Variants in PLXDC2 observed in about 807,000 individuals in gnomAD.
PLXDC2 encodes the protein plexin domain containing 2.
PLXDC2 carries 40 observed loss-of-function variants against 68.9 expected under a neutral mutation model. The ratio of observed to expected loss-of-function variants is 0.58; its 90% CI spans 0.45 to 0.76. The LOEUF (loss-of-function observed/expected upper bound fraction) is 0.76, where lower values mean the gene tolerates loss of function less well. Ranked by LOEUF, PLXDC2 falls within the 30% of genes least tolerant of loss-of-function variation. The pLI is 0.00. For synonymous variants in PLXDC2, 243 were observed against 234.2 expected (o/e 1.04, Z -0.34); for missense variants, 644 against 661.9 (o/e 0.97, Z 0.30).
At chr10:19,897,601 T>G (rs1475256203) in intron 1 of PLXDC2, among the ~76,000 whole-genome samples, 4 of 152,180 alleles carry the variant, frequency 2.6e-5, no homozygotes, top group African/African-American at 4.8e-5. Flanking sequence ...ACAGAAAACA[T>G]AAGTACATGC....
intron 1 of PLXDC2, among the ~76,000 whole-genome samples, chr10:19,830,778 A>G (rs980093741): frequency 6.6e-6 from 1 of 152,032 alleles, no homozygotes; most frequent in Admixed American, 6.6e-5. Flanking sequence ...TTGGGAAGAT[A>G]AAAGTCTAGA....
intron 6 of PLXDC2, among the ~76,000 whole-genome samples, chr10:20,162,909 CAAAA>C (rs71390763): frequency 3.1e-4 from 30 of 98,038 alleles, no homozygotes; most frequent in African/African-American, 1.2e-3. Context: ...ACTAAAAATA[CAAAA>C]AAAAAAAAAA....
chr10:20,056,792 A>G (rs1836007036), intron 3 of PLXDC2, among the ~76,000 whole-genome samples: 1 of 152,154 alleles, frequency 6.6e-6, no homozygotes, highest in African/African-American at 2.4e-5. Flanking sequence ...TCTTTTACAT[A>G]AAATTAGCCA....
intron 1 of PLXDC2, among the ~76,000 whole-genome samples, chr10:19,885,103 GTGA>G (rs1247627102): frequency 4.6e-5 from 7 of 152,170 alleles, no homozygotes; most frequent in Admixed American, 1.3e-4. Context: ...CTGATGGCCA[GTGA>G]TGATGAGCAT....
chr10:20,269,895 G>A (rs1835913964), intron 13 of PLXDC2, among the ~76,000 whole-genome samples: 1 of 152,080 alleles, frequency 6.6e-6, no homozygotes, highest in South Asian at 2.1e-4. Context: ...GTGCGTGCTT[G>A]TAGTCCCAGC....
chr10:20,126,856 G>A (rs1833798754), intron 4 of PLXDC2, among the ~76,000 whole-genome samples: 1 of 144,624 alleles, frequency 6.9e-6, no homozygotes, highest in Non-Finnish European at 1.5e-5. Context: ...ATACATATAT[G>A]TTATGTATGT....
At chr10:20,272,298 C>T (rs1304172707) in intron 13 of PLXDC2, among the ~76,000 whole-genome samples, 2 of 152,116 alleles carry the variant, frequency 1.3e-5, no homozygotes, top group African/African-American at 4.8e-5. Flanking sequence ...TGATAATCAA[C>T]AAATATTTCC....
chr10:19,839,052 G>C (rs1244298579), intron 1 of PLXDC2, among the ~76,000 whole-genome samples: 3 of 152,126 alleles, frequency 2.0e-5, no homozygotes, highest in East Asian at 1.9e-4. Flanking sequence ...CAGGCACGGT[G>C]GTGGGTGCCT....
intron 2 of PLXDC2, among the ~76,000 whole-genome samples, chr10:20,024,756 T>C (rs1412580830): frequency 6.6e-6 from 1 of 152,156 alleles, no homozygotes; most frequent in Non-Finnish European, 1.5e-5. Context: ...TATCTATTTT[T>C]GCCTTCTTTA....
At chr10:20,000,657 G>C (rs936243401) in intron 1 of PLXDC2, among the ~76,000 whole-genome samples, 3 of 152,092 alleles carry the variant, frequency 2.0e-5, no homozygotes, top group Non-Finnish European at 4.4e-5. Context: ...AGGTAATTAT[G>C]CCTGTGATTG....
At chr10:20,183,429 G>C (rs1182142102) in intron 9 of PLXDC2, among the ~76,000 whole-genome samples, 1 of 151,854 alleles carries the variant, frequency 6.6e-6, no homozygotes, top group Non-Finnish European at 1.5e-5. Context: ...TGTTTGGATA[G>C]ACATAGAAAA....
intron 12 of PLXDC2, among the ~76,000 whole-genome samples, chr10:20,234,282 A>G (rs1588534063): frequency 1.3e-5 from 2 of 152,316 alleles, no homozygotes; most frequent in East Asian, 1.9e-4. Flanking sequence ...GTTTGGTGGA[A>G]CAGGTCAGGT....
At chr10:20,161,869 T>G (rs940672303) in intron 6 of PLXDC2, among the ~76,000 whole-genome samples, 2 of 151,612 alleles carry the variant, frequency 1.3e-5, no homozygotes, top group Non-Finnish European at 2.9e-5. Flanking sequence ...TCCTCTCTAC[T>G]AAAAATACAA....
rs371987933 is a variant in PLXDC2 at position 20,177,100 on chromosome 10, C to A, written c.979+6C>A. On this transcript the variant is annotated splice_donor_region_variant and intron_variant, in intron 8 of 13. Coordinates refer to ENST00000377252, the MANE Select transcript of PLXDC2 (RefSeq NM_032812.9). ...GGAGATGACCCCATTACCCAGTAAG[C>A]GAATATGTAAACCTAGGTGGAAAAC... is the stretch of plus-strand genomic sequence containing the variant. The A allele has an allele frequency of 1.3e-6, 2 of 1,586,442 alleles. No individual in the cohort carries two copies. Among genetic ancestry groups the A allele is most frequent in the Non-Finnish European group, 1.7e-6 (2 of 1,156,614 alleles).
chr10:20,117,154 CA>C (rs1330476963), intron 4 of PLXDC2, among the ~76,000 whole-genome samples: 1 of 151,176 alleles, frequency 6.6e-6, no homozygotes, highest in Non-Finnish European at 1.5e-5. Flanking sequence ...TATAATTGAA[CA>C]TAAAGTTTTC....
intron 1 of PLXDC2, among the ~76,000 whole-genome samples, chr10:19,912,991 C>A (rs1349654777): frequency 6.6e-6 from 1 of 152,160 alleles, no homozygotes; most frequent in Non-Finnish European, 1.5e-5. Flanking sequence ...TTTTCTTAAG[C>A]TTTGACTCGA....
At chr10:19,931,625 G>A (rs949216230) in intron 1 of PLXDC2, among the ~76,000 whole-genome samples, 4 of 152,130 alleles carry the variant, frequency 2.6e-5, no homozygotes, top group African/African-American at 9.7e-5. Flanking sequence ...TTAAAGTGGG[G>A]TGAGATATAT....
intron 4 of PLXDC2, among the ~76,000 whole-genome samples, chr10:20,137,421 C>A (rs774262040): frequency 6.6e-6 from 1 of 152,138 alleles, no homozygotes; most frequent in Non-Finnish European, 1.5e-5. Context: ...AATGAATTAT[C>A]GCATCGTGTG....
At chr10:20,221,000 G>A (rs1379432930) in intron 12 of PLXDC2, among the ~76,000 whole-genome samples, 3 of 151,604 alleles carry the variant, frequency 2.0e-5, no homozygotes, top group Non-Finnish European at 2.9e-5. Flanking sequence ...CCACCACTAC[G>A]CCTGGCTAAT....
Sources: gnomAD v4.1 joint callset for allele counts (sites outside exome capture counted in the v4.1 genomes callset) on GRCh38, gnomAD v4.1.1 for gene constraint, MANE v1.5 for transcripts, NCBI Gene and HGNC (gene_info 2026-07-23, HGNC 2026-07-21) for gene names.